CSMD2: variants seen among roughly 807,000 people sequenced by gnomAD.
CSMD2 encodes CUB and Sushi multiple domains 2.
CSMD2 carries 130 observed loss-of-function variants against 398.5 expected under a neutral mutation model. The observed-to-expected ratio is 0.33, with a 90% CI of 0.28 to 0.38. The LOEUF is 0.38. Among genes scored for constraint, CSMD2 ranks in the 10% least tolerant of loss-of-function variants. The pLI, the probability that CSMD2 is intolerant of heterozygous loss-of-function variation, is 1.00. For missense variants in CSMD2, 3,829 were observed against 4,764.9 expected (o/e 0.80, Z 5.78); for synonymous variants, 1,828 against 1,908.5 (o/e 0.96, Z 1.10).
intron 5 of CSMD2, among the ~76,000 whole-genome samples, chr1:33,881,336 AT>A (rs1316986413): frequency 6.6e-6 from 1 of 152,250 alleles, no homozygotes; most frequent in African/African-American, 2.4e-5. Context: ...ATAAGTAATT[AT>A]TAAGTATATA....
chr1:34,163,339 C>A lies in CSMD2; in HGVS notation c.187+1572G>T, dbSNP rs894917758. On this transcript the variant is annotated intron_variant, in intron 1 of 70. Transcript: ENST00000373381. The surrounding 1 kb of genome is among the most constrained non-coding windows in gnomAD (Gnocchi z 5.4). ...AGGCCAGAGCTCCCAGGCGCGCGCA[C>A]CGCGGGCGCCCCTCTCTGGGTGTCG... 1.3e-5 allele frequency among the ~76,000 whole-genome samples: 2 copies of A among 151,954 alleles called. No individual in the cohort carries two copies. The highest frequency in any genetic ancestry group is 2.9e-5 in the Non-Finnish European group (2 of 67,970).
intron 3 of CSMD2, among the ~76,000 whole-genome samples, chr1:33,975,769 GCT>G (rs1459097542): frequency 1.3e-5 from 2 of 152,166 alleles, no homozygotes; most frequent in African/African-American, 4.8e-5. Context: ...CTGTGCGGAT[GCT>G]CTCTGTGTGC....
chr1:33,819,944 G>A (rs2124995642), intron 8 of CSMD2, 107 bp from the exon 9 acceptor site: 3 of 1,407,246 alleles, frequency 2.1e-6, no homozygotes, highest in Non-Finnish European at 2.9e-6. Flanking sequence ...TTTCCTTCTG[G>A]CCCTTAATCT....
chr1:33,658,890 T>C (rs942168305), intron 26 of CSMD2, among the ~76,000 whole-genome samples: 1 of 152,172 alleles, frequency 6.6e-6, no homozygotes, highest in African/African-American at 2.4e-5. Context: ...ATAAACTCCA[T>C]GTATTCAATT....
At chr1:33,872,797 A>G (rs1640566392) in intron 5 of CSMD2, among the ~76,000 whole-genome samples, 1 of 152,230 alleles carries the variant, frequency 6.6e-6, no homozygotes, top group Admixed American at 6.5e-5. Flanking sequence ...AGCTTTAAAC[A>G]CAGGTTTCCT....
rs750343137 is a variant in CSMD2 at position 33,724,223 on chromosome 1, C to T, written c.2975G>A (p.Trp992Ter). The change falls in exon 19 of 71, where the codon TGG becomes TAG. Residue 992 changes from tryptophan to a stop codon, truncating the protein, a stop_gained. Transcript: ENST00000373381. LOFTEE classifies it high-confidence loss of function. ...CTTGCCATGAGATGTTTCGATAATC[C>T]AGGTGCAGTTCAAGTTGTTGGGGTA... is the stretch of plus-strand genomic sequence containing the variant. ...DFYPNNLNCT[W>*]IIETSHGKGV... 6.2e-7 allele frequency: 1 copy of T among 1,613,600 alleles called. No homozygotes were observed. Among genetic ancestry groups the T allele is most frequent in the Non-Finnish European group, 8.5e-7 (1 of 1,179,596 alleles).
intron 3 of CSMD2, among the ~76,000 whole-genome samples, chr1:34,004,680 G>A (rs1026348704): frequency 6.6e-6 from 1 of 152,130 alleles, no homozygotes. Context: ...GGGTGTAGGA[G>A]GGGAGGGAGT....
At chr1:33,950,398 AGAGAG>A (rs1486636540) in intron 3 of CSMD2, among the ~76,000 whole-genome samples, 1 of 151,272 alleles carries the variant, frequency 6.6e-6, no homozygotes, top group Non-Finnish European at 1.5e-5. Flanking sequence ...AGAGAGAGAG[AGAGAG>A]AGAGAGAGAG....
intron 5 of CSMD2, among the ~76,000 whole-genome samples, chr1:33,907,649 C>T (rs1411088008): frequency 1.3e-5 from 2 of 152,136 alleles, no homozygotes; most frequent in Non-Finnish European, 1.5e-5. Flanking sequence ...TCTCCCTCCC[C>T]AAATGACCCA....
chr1:33,582,232 C>T (rs1201808760), intron 47 of CSMD2, among the ~76,000 whole-genome samples: 1 of 152,076 alleles, frequency 6.6e-6, no homozygotes, highest in Non-Finnish European at 1.5e-5. Context: ...GCAAAGTTGG[C>T]ATAATTACTA....
intron 23 of CSMD2, 51 bp downstream of exon 23, chr1:33,700,465 TA>T: frequency 6.3e-7 from 1 of 1,591,602 alleles, no homozygotes; most frequent in African/African-American, 1.4e-5. Context: ...AATAAATGAA[TA>T]AAATGGGAAA....
chr1:33,973,257 A>G (rs1479636186), intron 3 of CSMD2, among the ~76,000 whole-genome samples: 9 of 152,150 alleles, frequency 5.9e-5, no homozygotes, highest in Admixed American at 5.9e-4. Flanking sequence ...CAGGAAGAAC[A>G]CTCAATGCCA....
chr1:33,982,447 T>A (rs1646205236), intron 3 of CSMD2, among the ~76,000 whole-genome samples: 1 of 152,206 alleles, frequency 6.6e-6, no homozygotes, highest in Non-Finnish European at 1.5e-5. Context: ...CACACCGTGC[T>A]TCAGTTTCCT....
chr1:34,054,103 A>T (rs968353422), intron 2 of CSMD2, among the ~76,000 whole-genome samples: 2 of 152,222 alleles, frequency 1.3e-5, no homozygotes, highest in African/African-American at 4.8e-5. Context: ...GCATTTGTCA[A>T]GACTAAGAGA....
At chr1:33,927,034 CCCTCAG>C (rs1445934153) in intron 4 of CSMD2, among the ~76,000 whole-genome samples, 4 of 152,156 alleles carry the variant, frequency 2.6e-5, no homozygotes, top group African/African-American at 9.7e-5. Flanking sequence ...TCCCCAGGAC[CCCTCAG>C]CCTCTGTGGA....
chr1:34,161,670 G>A (rs1229595655), intron 1 of CSMD2, among the ~76,000 whole-genome samples: 2 of 152,172 alleles, frequency 1.3e-5, no homozygotes, highest in Non-Finnish European at 2.9e-5. Context: ...CTTCTAGAGT[G>A]TTCCAGTGTC....
intron 1 of CSMD2, among the ~76,000 whole-genome samples, chr1:34,145,591 T>C (rs1007602093): frequency 2.6e-5 from 4 of 152,202 alleles, no homozygotes; most frequent in Non-Finnish European, 5.9e-5. Flanking sequence ...AATGAATCCA[T>C]GTCCTTCTTA....
At chr1:34,059,813 C>A (rs1654266781) in intron 2 of CSMD2, among the ~76,000 whole-genome samples, 1 of 152,196 alleles carries the variant, frequency 6.6e-6, no homozygotes, top group Non-Finnish European at 1.5e-5. Flanking sequence ...GTGGGTAACT[C>A]TTGCTTTCCT....
At chr1:33,562,227 T>C (rs1658631061) in intron 53 of CSMD2, among the ~76,000 whole-genome samples, 1 of 152,194 alleles carries the variant, frequency 6.6e-6, no homozygotes. Context: ...GTTCAGGCTC[T>C]TACCCACTGC....
Sources: gnomAD v4.1 joint callset for allele counts (sites outside exome capture counted in the v4.1 genomes callset) on GRCh38, gnomAD v4.1.1 for gene constraint, Gnocchi (gnomAD v3.1) non-coding constraint, MANE v1.5 for transcripts, NCBI Gene and HGNC (gene_info 2026-07-23, HGNC 2026-07-21) for gene names.